The following DTWD2 variants were observed in gnomAD, a reference collection of about 807,000 sequenced individuals.
DTWD2 encodes DTW motif tRNA-uridine aminocarboxypropyltransferase 2, also known as tRNA-uridine aminocarboxypropyltransferase 2.
In DTWD2, 39 loss-of-function variants were observed where a neutral mutation model predicts 31.8. That is an observed-to-expected ratio of 1.22 (90% confidence interval 0.95 to 1.60). DTWD2 has a LOEUF of 1.60. Ranked by LOEUF, DTWD2 falls within the 40% of genes most tolerant of loss-of-function variation. DTWD2 has a pLI of 0.00. For missense variants in DTWD2, 515 were observed against 381.5 expected (o/e 1.35, Z -2.92); for synonymous variants, 180 against 142.8 (o/e 1.26, Z -1.86).
At chr5:118,981,929 A>C (rs1355119114) in intron 1 of DTWD2, among the ~76,000 whole-genome samples, 1 of 152,224 alleles carries the variant, frequency 6.6e-6, no homozygotes, top group Non-Finnish European at 1.5e-5. Flanking sequence ...AAACAAATGC[A>C]GTCATACTGT....
chr5:118,908,764 C>T (rs1228903654), intron 4 of DTWD2, among the ~76,000 whole-genome samples: 1 of 151,962 alleles, frequency 6.6e-6, no homozygotes, highest in Non-Finnish European at 1.5e-5. Flanking sequence ...TAAAACATTT[C>T]AGTTGCGGGT....
chr5:118,853,266 G>T (rs960580763), intron 4 of DTWD2, among the ~76,000 whole-genome samples: 3 of 152,140 alleles, frequency 2.0e-5, no homozygotes, highest in African/African-American at 7.2e-5. Flanking sequence ...TGGCAACGCT[G>T]CAGAGAAAAG....
At chr5:118,901,507 T>G (rs1006622185) in intron 4 of DTWD2, among the ~76,000 whole-genome samples, 1 of 152,222 alleles carries the variant, frequency 6.6e-6, no homozygotes, top group East Asian at 1.9e-4. Context: ...TAAAGCTTGC[T>G]ATCTTGCCTA....
In DTWD2 at chr5:118,940,685, C is replaced by G. The variant is rs140176477; in HGVS notation, c.310-1395G>C. Among the ~76,000 whole-genome samples the G allele has an allele frequency of 1.5e-3, 233 of 152,260 alleles. 2 individuals are homozygous for G. Among genetic ancestry groups the G allele is most frequent in the African/African-American group, 5.4e-3 (224 of 41,568 alleles). ...TATATCTTTTGTCATATCCATTTTA[C>G]TAATGAGGAAACTGAAACACAGAGA... On this transcript the variant is annotated intron_variant, in intron 2 of 5. Coordinates refer to ENST00000510708, the MANE Select transcript of DTWD2 (RefSeq NM_173666.4).
At chr5:118,937,216 G>A (rs1026075373) in intron 3 of DTWD2, among the ~76,000 whole-genome samples, 4 of 152,008 alleles carry the variant, frequency 2.6e-5, no homozygotes, top group African/African-American at 9.7e-5. Context: ...GAATCTACAT[G>A]ATCATTTTAA....
At chr5:118,856,764 C>CTTTTTTTTTTTTTTTT (rs68175368) in intron 4 of DTWD2, among the ~76,000 whole-genome samples, 2 of 44,340 alleles carry the variant, frequency 4.5e-5, no homozygotes, top group African/African-American at 8.6e-5. Flanking sequence ...TTGAGGCTTA[C>CTTTTTTTTTTTTTTTT]TTTTTTTTTT....
Position 118,988,305 on chromosome 5 carries a change from G to A in DTWD2, c.207C>T (p.Cys69=), listed in dbSNP as rs1300266752. ...PVEPAERRPE[C]TRCSRPQKVC... ...AGCCCCGCGGTCACCTGCAGCGGGT[G>A]CACTCAGGCCTCCGCTCGGCCGGCT... Residue 69 remains cysteine, a synonymous_variant, in exon 1 of 6, where the codon TGC becomes TGT. Coordinates refer to ENST00000510708, the MANE Select transcript of DTWD2 (RefSeq NM_173666.4). 5 of 1,524,124 alleles carry A rather than the reference G, an allele frequency of 3.3e-6. No individual in the cohort carries two copies. Among genetic ancestry groups the A allele is most frequent in the Non-Finnish European group, 3.5e-6 (4 of 1,140,106 alleles). The allele number at this position is 1,524,124 out of a possible 1,614,324, so 94.4% of individuals were successfully genotyped here.
intron 1 of DTWD2, among the ~76,000 whole-genome samples, chr5:118,957,127 T>C (rs1343999126): frequency 6.6e-6 from 1 of 152,148 alleles, no homozygotes; most frequent in African/African-American, 2.4e-5. Context: ...ATAACAATAA[T>C]ATTCCCATAC....
chr5:118,965,038 A>T (rs299197), intron 1 of DTWD2, among the ~76,000 whole-genome samples: 1 of 145,022 alleles, frequency 6.9e-6, no homozygotes, highest in Non-Finnish European at 1.5e-5. Flanking sequence ...TGTGGGGAGC[A>T]CCTCTGCCCC....
At chr5:118,876,847 G>C (rs1046233033) in intron 4 of DTWD2, among the ~76,000 whole-genome samples, 9 of 152,154 alleles carry the variant, frequency 5.9e-5, no homozygotes, top group African/African-American at 2.2e-4. Context: ...AAAAGATTGA[G>C]GAGGAGGGAC....
chr5:118,916,631 C>A (rs1313958940), intron 4 of DTWD2, among the ~76,000 whole-genome samples: 2 of 147,154 alleles, frequency 1.4e-5, no homozygotes, highest in Non-Finnish European at 3.0e-5. Flanking sequence ...CACCATTGCA[C>A]TGCAGCCTGG....
intron 4 of DTWD2, among the ~76,000 whole-genome samples, chr5:118,892,713 A>G (rs951196658): frequency 1.3e-5 from 2 of 152,174 alleles, no homozygotes; most frequent in African/African-American, 2.4e-5. Flanking sequence ...CAGAAAATCA[A>G]TGGAAGGAAA....
At chr5:118,928,199 T>C (rs1753848370) in intron 4 of DTWD2, among the ~76,000 whole-genome samples, 1 of 152,014 alleles carries the variant, frequency 6.6e-6, no homozygotes, top group African/African-American at 2.4e-5. Context: ...AAGATAATGC[T>C]TCTTAACAAA....
At chr5:118,922,757 T>C (rs1037765671) in intron 4 of DTWD2, among the ~76,000 whole-genome samples, 5 of 152,168 alleles carry the variant, frequency 3.3e-5, no homozygotes, top group African/African-American at 9.7e-5. Flanking sequence ...AGTCACACTT[T>C]TAAATCATCC....
At chr5:118,862,601 A>C (rs1333493095) in intron 4 of DTWD2, among the ~76,000 whole-genome samples, 1 of 152,226 alleles carries the variant, frequency 6.6e-6, no homozygotes. Flanking sequence ...TTGAAGAAAC[A>C]CAAAATACTA....
chr5:118,849,729 A>T (rs1341270129), intron 4 of DTWD2, among the ~76,000 whole-genome samples: 1 of 152,202 alleles, frequency 6.6e-6, no homozygotes, highest in Non-Finnish European at 1.5e-5. Context: ...CTTTGCAGGG[A>T]CATGGCTGAA....
In DTWD2 at chr5:118,837,078, G is replaced by A. The variant is rs2112658895; in HGVS notation, c.*3839C>T. Among the ~76,000 whole-genome samples the A allele has an allele frequency of 6.6e-6, 1 of 152,168 alleles. No homozygotes were observed. The highest frequency in any genetic ancestry group is 2.4e-5 in the African/African-American group (1 of 41,502). On this transcript the variant is annotated 3_prime_UTR_variant, in exon 6 of 6. Transcript: ENST00000510708. ...GCTATGTAAGGATGTATGAGTATTT[G>A]TATAAATAACAACAGCTAGTACATA...
At position 118,841,689 on chromosome 5, in the gene DTWD2, G is replaced by A. The variant is rs190351888; in HGVS notation, c.727-602C>T. On this transcript the variant is annotated intron_variant, in intron 5 of 5. Coordinates refer to ENST00000510708, the MANE Select transcript of DTWD2 (RefSeq NM_173666.4). ...CCATGTAACAGAAACACGTAAACTG[G>A]GTGGATCTTTACAAGCCAACAGAGA... Among the ~76,000 whole-genome samples the A allele has an allele frequency of 3.3e-5, 5 of 152,036 alleles. No individual in the cohort carries two copies. The East Asian group carries it at 9.7e-4, about 29-fold the overall frequency.
chr5:118,889,740 G>GT (rs1752939685), intron 4 of DTWD2, among the ~76,000 whole-genome samples: 1 of 152,046 alleles, frequency 6.6e-6, no homozygotes, highest in Non-Finnish European at 1.5e-5. Flanking sequence ...AAAAACGATA[G>GT]TTTTTTCAAC....
Sources: gnomAD v4.1 joint callset for allele counts (sites outside exome capture counted in the v4.1 genomes callset) on GRCh38, gnomAD v4.1.1 for gene constraint, MANE v1.5 for transcripts, NCBI Gene and HGNC (gene_info 2026-07-23, HGNC 2026-07-21) for gene names.